Variants in EIF4A2 observed in about 807,000 individuals in gnomAD.
EIF4A2 encodes eukaryotic initiation factor 4A-II.
A neutral mutation model predicts 50.6 loss-of-function variants in EIF4A2; 9 were observed. The observed-to-expected ratio is 0.18, with a 90% CI of 0.11 to 0.31. The LOEUF (loss-of-function observed/expected upper bound fraction) is 0.31. Among genes scored for constraint, EIF4A2 ranks in the 10% least tolerant of loss-of-function variants. EIF4A2 has a pLI of 1.00. For synonymous variants in EIF4A2, 215 were observed against 164.4 expected (o/e 1.31, Z -2.35); for missense variants, 182 against 501.8 (o/e 0.36, Z 6.09).
chr3:186,784,760 A>T, intron 3 of EIF4A2, 64 bp downstream of exon 3: 4 of 1,609,596 alleles, frequency 2.5e-6, no homozygotes, highest in Non-Finnish European at 3.4e-6. Context: ...AAGGGAAAGT[A>T]ACCTCTGGGG....
At position 186,783,589 on chromosome 3, in the gene EIF4A2, G is replaced by C. The variant is rs756744876; in HGVS notation, c.-22G>C. ...TGGGCGCCGCTGTCTTTTCAGTCGG[G>C]CGCTGAGTGGTTTTTCGGATCATGT... On this transcript the variant is annotated 5_prime_UTR_variant, in exon 1 of 11. Coordinates refer to ENST00000323963, the MANE Select transcript of EIF4A2 (RefSeq NM_001967.4). 1.5e-5 allele frequency: 24 copies of C among 1,614,142 alleles called. No individual in the cohort carries two copies. The highest frequency in any genetic ancestry group is 1.7e-4 in the Middle Eastern group (1 of 6,058).
chr3:186,785,442 CTA>C (rs1293764856), intron 4 of EIF4A2: 9 of 349,628 alleles, frequency 2.6e-5, no homozygotes, highest in Admixed American at 4.5e-5. Context: ...CTGTTGCATG[CTA>C]TGTTTTCAAA....
chr3:186,788,692 A>C (rs1560087256), intron 10 of EIF4A2: 1 of 232,668 alleles, frequency 4.3e-6, no homozygotes, highest in South Asian at 5.5e-5. Context: ...AAGTTTTAGA[A>C]AATAGTTAAC....
chr3:186,788,043 C>A (rs1426752581), intron 10 of EIF4A2, 161 bp downstream of exon 10: 2 of 838,954 alleles, frequency 2.4e-6, no homozygotes, highest in African/African-American at 1.7e-5. Flanking sequence ...TTGATGAGAA[C>A]AAAGTGGGAA....
Position 186,787,113 on chromosome 3 carries a change from T to G in EIF4A2, c.772-14T>G, listed in dbSNP as rs766910389. 3 of 1,612,864 alleles carry G rather than the reference T, an allele frequency of 1.9e-6. No individual in the cohort carries two copies. Among genetic ancestry groups the G allele is most frequent in the Admixed American group, 3.3e-5 (2 of 59,970 alleles). ...AACTAAATGACTGTTAACTTTAACT[T>G]CTAAACATTACAGGAATGGAAGTTG... is the stretch of plus-strand genomic sequence containing the variant. On this transcript the variant is annotated splice_polypyrimidine_tract_variant and intron_variant, in intron 7 of 10. Transcript: ENST00000323963.
intron 1 of EIF4A2, 165 bp from the exon 2 acceptor site, chr3:186,784,267 C>T: frequency 2.9e-6 from 3 of 1,029,208 alleles, no homozygotes; most frequent in Non-Finnish European, 2.8e-6. Context: ...CCGCAGGCCC[C>T]AACCTTTAGG....
At position 186,789,872 on chromosome 3, in the gene EIF4A2, TAAA is replaced by T; in HGVS notation, c.*604_*606del. On this transcript the variant is annotated 3_prime_UTR_variant, in exon 11 of 11. Transcript: ENST00000323963. Reference sequence around the variant, plus strand: ...ACATGTCTTAATGAAGTTTGAATGTTAAATAAATTGTATATTCACTTTAAAGGT... The same window carrying T: ...ACATGTCTTAATGAAGTTTGAATGTTTAAATTGTATATTCACTTTAAAGGT... 1 of 793,788 alleles carries T rather than the reference TAAA, an allele frequency of 1.3e-6. No homozygotes were observed. The highest frequency in any genetic ancestry group is 1.7e-5 in the South Asian group (1 of 58,620). The allele number at this position is 793,788 out of a possible 1,614,324, so 49.2% of individuals were successfully genotyped here.
chr3:186,788,861 A>C, intron 10 of EIF4A2: 1 of 399,692 alleles, frequency 2.5e-6, no homozygotes, highest in Non-Finnish European at 4.4e-6. Flanking sequence ...CCCAAACACG[A>C]TACTGTCATC....
chr3:186,783,683 G>A lies in EIF4A2; in HGVS notation c.29+44G>A, dbSNP rs190572503. 10 of 1,613,868 alleles carry A rather than the reference G, an allele frequency of 6.2e-6. No individual in the cohort carries two copies. In the East Asian group the frequency reaches 2.2e-4, roughly 36 times the overall value. ...GTCGCGGTCTGTAGTGAAGGTCATA[G>A]GGCGCCAGGGGAGATGATAGTGGAT... On this transcript the variant is annotated intron_variant, in intron 1 of 10. Transcript: ENST00000323963.
At position 186,786,615 on chromosome 3, in the gene EIF4A2, C is replaced by T. The variant is rs1199621399; in HGVS notation, c.741C>T (p.Ile247=). The change falls in exon 7 of 11, where the codon ATC becomes ATT. Residue 247 remains isoleucine, a synonymous_variant. Transcript: ENST00000323963. ...AGGAAGAATTGACCCTTGAAGGAAT[C>T]AAACAGTTTTATATTAATGTTGAGA... is the stretch of plus-strand genomic sequence containing the variant. ...VKKEELTLEG[I]KQFYINVERE... The T allele has an allele frequency of 6.2e-7, 1 of 1,613,864 alleles. No homozygotes were observed. Among genetic ancestry groups the T allele is most frequent in the East Asian group, 2.2e-5 (1 of 44,886 alleles).
chr3:186,785,465 A>G (rs145451455), intron 4 of EIF4A2: 3 of 322,010 alleles, frequency 9.3e-6, no homozygotes, highest in Admixed American at 9.2e-5. Flanking sequence ...GCTCACTGCT[A>G]TATTGGCTTT....
intron 7 of EIF4A2, 135 bp downstream of exon 7, chr3:186,786,780 A>G: frequency 8.1e-7 from 1 of 1,231,174 alleles, no homozygotes; most frequent in Non-Finnish European, 1.2e-6. Context: ...TAACAGCACT[A>G]GATTGTAAAG....
intron 2 of EIF4A2, 23 bp from the exon 3 acceptor site, chr3:186,784,541 G>T (rs368094046): frequency 5.0e-6 from 8 of 1,614,042 alleles, no homozygotes; most frequent in Non-Finnish European, 6.8e-6. Flanking sequence ...ATTTATGCGT[G>T]CATTATTTTT....
rs764678689 is a variant in EIF4A2, at chr3:186,785,894, A to G, written c.360A>G (p.Val120=). 6.3e-6 allele frequency: 10 copies of G among 1,589,246 alleles called. No homozygotes were observed. The highest frequency in any genetic ancestry group is 5.5e-5 in the South Asian group (5 of 90,416). The change falls in exon 5 of 11, where the codon GTA becomes GTG. Residue 120 remains valine, a synonymous_variant. Coordinates refer to ENST00000323963, the MANE Select transcript of EIF4A2 (RefSeq NM_001967.4). The stretch of plus-strand genomic sequence containing the variant: ...GGCTTGGGTTTTAGATCCAAAAGGT[A>G]ATTCTGGCACTTGGAGACTATATGG... ...TRELAQQIQK[V]ILALGDYMGA...
intron 8 of EIF4A2, 71 bp downstream of exon 8, chr3:186,787,335 C>A: frequency 6.2e-7 from 1 of 1,612,758 alleles, no homozygotes; most frequent in Non-Finnish European, 8.5e-7. Flanking sequence ...CTGCTAAGTG[C>A]TGTGTTGTCG....
chr3:186,786,778 C>CAA (rs1721744287), intron 7 of EIF4A2, 133 bp downstream of exon 7: 1 of 1,269,812 alleles, frequency 7.9e-7, no homozygotes, highest in Non-Finnish European at 1.2e-6. Flanking sequence ...AGTAACAGCA[C>CAA]TAGATTGTAA....
chr3:186,786,098 A>C, intron 5 of EIF4A2, 47 bp downstream of exon 5: 1 of 1,600,942 alleles, frequency 6.2e-7, no homozygotes, highest in South Asian at 1.1e-5. Context: ...CTGTTAACAT[A>C]GTTGAAAAGT....
Position 186,785,035 on chromosome 3 carries a change from G to T in EIF4A2, c.282G>T (p.Gln94His), listed in dbSNP as rs751663411. The part of the protein sequence containing the change: ...TATFAISILQ[Q>H]LEIEFKETQA... ...CATTTGCTATTTCCATCCTGCAACA[G>T]TTGGAGATTGAGTTCAAGGAGACCC... The change falls in exon 4 of 11, where the codon CAG (glutamine) becomes CAT (histidine). Residue 94 changes from glutamine (Q) to histidine (H), a missense_variant. Physicochemically the swap from Gln to His is conservative, Grantham distance 24. This residue lies in a region of EIF4A2 where 113 missense variants were observed against 357.3 expected (regional missense o/e 0.32). Transcript: ENST00000323963. The T allele has an allele frequency of 4.3e-6, 7 of 1,614,208 alleles. No homozygotes were observed. Among genetic ancestry groups the T allele is most frequent in the Non-Finnish European group, 5.9e-6 (7 of 1,180,044 alleles).
intron 4 of EIF4A2, chr3:186,785,505 C>G (rs987978282): frequency 3.4e-6 from 1 of 294,636 alleles, no homozygotes; most frequent in African/African-American, 2.1e-5. Context: ...AAGCTGTAGG[C>G]TTTATTGAGG....
Sources: allele counts gnomAD v4.1 joint callset, GRCh38; gene constraint gnomAD v4.1.1; regional missense constraint gnomAD v4.1.1; transcripts MANE v1.5; gene names NCBI Gene and HGNC (gene_info 2026-07-23, HGNC 2026-07-21).